The following AFF3 variants were observed in gnomAD, a reference collection of about 807,000 sequenced individuals.
The protein encoded by AFF3 is ALF transcription elongation factor 3.
AFF3 carries 32 observed loss-of-function variants against 129.7 expected under a neutral mutation model. The observed-to-expected ratio is 0.25, with a 90% CI of 0.19 to 0.33. The LOEUF (loss-of-function observed/expected upper bound fraction) is 0.33. Among genes scored for constraint, AFF3 ranks in the 10% least tolerant of loss-of-function variants. The pLI is 1.00. For missense variants in AFF3, 1,373 were observed against 1,592.0 expected (o/e 0.86, Z 2.34); for synonymous variants, 644 against 635.4 (o/e 1.01, Z -0.20).
intron 4 of AFF3, among the ~76,000 whole-genome samples, chr2:100,086,596 C>A (rs1448049415): frequency 6.6e-6 from 1 of 152,164 alleles, no homozygotes; most frequent in Non-Finnish European, 1.5e-5. Context: ...TATCATGGAT[C>A]TTTTTGCTGG....
At chr2:99,683,987 T>C (rs1399244650) in intron 11 of AFF3, among the ~76,000 whole-genome samples, 9 of 152,178 alleles carry the variant, frequency 5.9e-5, no homozygotes, top group African/African-American at 1.7e-4. Flanking sequence ...CTCTTCTGTA[T>C]CTCCTACAAG....
At chr2:99,563,524 G>C (rs13008382) in intron 20 of AFF3, among the ~76,000 whole-genome samples, 1 of 150,996 alleles carries the variant, frequency 6.6e-6, no homozygotes, top group South Asian at 2.1e-4. Context: ...GTTGAAAAAA[G>C]AGCTAGCCAG....
intron 8 of AFF3, among the ~76,000 whole-genome samples, chr2:99,827,353 G>T (rs1019014432): frequency 6.6e-6 from 1 of 152,096 alleles, no homozygotes; most frequent in African/African-American, 2.4e-5. Flanking sequence ...CCACAAAGTG[G>T]GTGAACCCAG....
intron 8 of AFF3, among the ~76,000 whole-genome samples, chr2:99,812,490 C>T (rs1686868587): frequency 6.6e-6 from 1 of 152,210 alleles, no homozygotes; most frequent in Non-Finnish European, 1.5e-5. Context: ...TCCCCAAATT[C>T]TCACGTACAC....
intron 9 of AFF3, among the ~76,000 whole-genome samples, chr2:99,749,511 A>G (rs1681452868): frequency 6.6e-6 from 1 of 152,214 alleles, no homozygotes; most frequent in Non-Finnish European, 1.5e-5. Flanking sequence ...AAAAATGTCT[A>G]TGATTCTATT....
At chr2:99,911,273 A>T (rs1285222379) in intron 7 of AFF3, among the ~76,000 whole-genome samples, 2 of 152,084 alleles carry the variant, frequency 1.3e-5, no homozygotes, top group African/African-American at 4.8e-5. Context: ...CTGTAATCCC[A>T]GCTACTCAGG....
At chr2:99,889,504 C>T (rs942240849) in intron 7 of AFF3, among the ~76,000 whole-genome samples, 25 of 152,212 alleles carry the variant, frequency 1.6e-4, no homozygotes, top group African/African-American at 6.0e-4. Context: ...GGAGTAAAAA[C>T]ATCACAAGCA....
chr2:99,578,019 C>T (rs1370862254), intron 18 of AFF3, among the ~76,000 whole-genome samples: 1 of 152,158 alleles, frequency 6.6e-6, no homozygotes, highest in African/African-American at 2.4e-5. Context: ...CCGCCAACAG[C>T]CCAAGTACAA....
In AFF3 at chr2:100,084,010, GC is replaced by G. The variant is rs201638559; in HGVS notation, c.53+20391del. The stretch of plus-strand genomic sequence containing the variant: ...TCAAAAATGTTCCCTTGCCCACAGT[GC>G]CATTAGCTATTCCACGTGACCACAC... On this transcript the variant is annotated intron_variant, in intron 4 of 24. Coordinates refer to ENST00000672756, the MANE Select transcript of AFF3 (RefSeq NM_001386135.1). 9.3e-3 allele frequency among the ~76,000 whole-genome samples: 1,420 copies of G among 152,304 alleles called. 25 individuals carry two copies. The highest frequency in any genetic ancestry group is 0.032 in the African/African-American group (1,339 of 41,558).
At chr2:100,032,134 T>C (rs1464730376) in intron 4 of AFF3, among the ~76,000 whole-genome samples, 1 of 152,138 alleles carries the variant, frequency 6.6e-6, no homozygotes, top group Non-Finnish European at 1.5e-5. Context: ...ATTAGAAGTA[T>C]GCCTGAGAGA....
chr2:99,856,673 C>A (rs1690555360), intron 7 of AFF3, among the ~76,000 whole-genome samples: 1 of 152,134 alleles, frequency 6.6e-6, no homozygotes, highest in Non-Finnish European at 1.5e-5. Flanking sequence ...TTCAAACAAT[C>A]AGCTTACAAA....
At position 99,560,563 on chromosome 2, in the gene AFF3, A is replaced by G. The variant is rs74641354; in HGVS notation, c.3120-127T>C. 1.1e-3 allele frequency: 951 copies of G among 842,096 alleles called. 15 individuals carry two copies. In the East Asian group the frequency reaches 0.018, roughly 16 times the overall value. 52.2% of individuals were successfully genotyped at this position (842,096 alleles called of 1,614,324 possible). ...CCCTGCCTGATCCTTAGCTTTTCATAGTACTTGCTGATAATTCTTTCTTAA... is the reference window on the plus strand; with the variant it reads ...CCCTGCCTGATCCTTAGCTTTTCATGGTACTTGCTGATAATTCTTTCTTAA... On this transcript the variant is annotated intron_variant, in intron 20 of 24. Coordinates refer to ENST00000672756, the MANE Select transcript of AFF3 (RefSeq NM_001386135.1).
At chr2:99,896,749 C>T (rs537267665) in intron 7 of AFF3, among the ~76,000 whole-genome samples, 7 of 149,406 alleles carry the variant, frequency 4.7e-5, no homozygotes, top group African/African-American at 1.2e-4. Context: ...GATTCTCCTC[C>T]CTCAGACTCC....
chr2:99,582,097 C>T lies in AFF3; in HGVS notation c.2793+701G>A, dbSNP rs542993135. 1.7e-4 allele frequency among the ~76,000 whole-genome samples: 26 copies of T among 152,108 alleles called. 1 individual carries two copies. The highest frequency in any genetic ancestry group is 5.5e-4 in the African/African-American group (23 of 41,518). On this transcript the variant is annotated intron_variant, in intron 17 of 24. Coordinates refer to ENST00000672756, the MANE Select transcript of AFF3 (RefSeq NM_001386135.1). ...CTTGAACTCCTGACCTCAGGCGATC[C>T]GCCCGCCGCAGCCTCCCAAAGTGCT...
At chr2:99,936,290 T>C (rs1438068309) in intron 7 of AFF3, among the ~76,000 whole-genome samples, 1 of 152,144 alleles carries the variant, frequency 6.6e-6, no homozygotes, top group Non-Finnish European at 1.5e-5. Context: ...TGGGGCTATG[T>C]GGGCAGGAAT....
At chr2:100,066,883 C>T (rs1687765818) in intron 4 of AFF3, among the ~76,000 whole-genome samples, 1 of 152,188 alleles carries the variant, frequency 6.6e-6, no homozygotes, top group Non-Finnish European at 1.5e-5. Flanking sequence ...CGCAGCCCCT[C>T]CGCAAGGAAA....
At chr2:99,948,311 C>T (rs930719273) in intron 7 of AFF3, among the ~76,000 whole-genome samples, 4 of 152,114 alleles carry the variant, frequency 2.6e-5, no homozygotes, top group South Asian at 2.1e-4. Context: ...CAAAACTCAC[C>T]CCTTTATGAA....
intron 13 of AFF3, among the ~76,000 whole-genome samples, chr2:99,623,658 G>A (rs950162821): frequency 3.9e-5 from 6 of 152,190 alleles, no homozygotes; most frequent in South Asian, 2.1e-4. Flanking sequence ...GGTTAGGGTC[G>A]GGGAGAGGCT....
intron 11 of AFF3, among the ~76,000 whole-genome samples, chr2:99,705,456 A>G (rs942148581): frequency 6.6e-6 from 1 of 152,144 alleles, no homozygotes; most frequent in African/African-American, 2.4e-5. Flanking sequence ...TCTTCCTGAA[A>G]TGGGAGAGAA....
Sources: allele counts gnomAD v4.1 joint callset (sites outside exome capture counted in the v4.1 genomes callset), GRCh38; gene constraint gnomAD v4.1.1; transcripts MANE v1.5; gene names NCBI Gene and HGNC (gene_info 2026-07-23, HGNC 2026-07-21).